The following PPHLN1 variants were observed in gnomAD, a reference collection of about 807,000 sequenced individuals.
PPHLN1 encodes periphilin 1, also known as periphilin-1.
PPHLN1 carries 29 observed loss-of-function variants against 51.3 expected under a neutral mutation model. That is an observed-to-expected ratio of 0.57 (90% CI 0.42 to 0.77). The LOEUF is 0.77. Ranked by LOEUF, PPHLN1 falls within the 30% of genes least tolerant of loss-of-function variation. The pLI is 0.00. For synonymous variants in PPHLN1, 147 were observed against 147.8 expected (o/e 0.99, Z 0.04); for missense variants, 436 against 438.4 (o/e 0.99, Z 0.05).
intron 9 of PPHLN1, among the ~76,000 whole-genome samples, chr12:42,429,080 T>C (rs962806292): frequency 1.3e-5 from 2 of 152,196 alleles, no homozygotes; most frequent in African/African-American, 4.8e-5. Context: ...ATTTAGAACT[T>C]TAAAGCCTAT....
At chr12:42,326,437 C>G (rs1053412047) in intron 1 of PPHLN1, among the ~76,000 whole-genome samples, 1 of 152,062 alleles carries the variant, frequency 6.6e-6, no homozygotes, top group Non-Finnish European at 1.5e-5. Flanking sequence ...GGGTTCGCCT[C>G]TCTGTAGCGC....
intron 4 of PPHLN1, among the ~76,000 whole-genome samples, chr12:42,370,374 TA>T (rs1316962705): frequency 2.0e-5 from 3 of 152,258 alleles, no homozygotes; most frequent in African/African-American, 7.2e-5. Context: ...CTAATTTGCA[TA>T]AAGCCTCCAT....
At chr12:42,404,286 T>A (rs1743357672) in intron 9 of PPHLN1, among the ~76,000 whole-genome samples, 1 of 152,166 alleles carries the variant, frequency 6.6e-6, no homozygotes, top group African/African-American at 2.4e-5. Flanking sequence ...CCCAGCACTT[T>A]GGGGGGCCCA....
chr12:42,430,041 G>A (rs928815609), intron 9 of PPHLN1, among the ~76,000 whole-genome samples: 4 of 152,196 alleles, frequency 2.6e-5, no homozygotes, highest in East Asian at 1.9e-4. Context: ...ACCAATGGCC[G>A]GGGGAGCTCC....
chr12:42,370,357 A>G (rs776871214), intron 4 of PPHLN1, among the ~76,000 whole-genome samples: 4 of 152,214 alleles, frequency 2.6e-5, no homozygotes, highest in Non-Finnish European at 5.9e-5. Context: ...AGGATCAGTA[A>G]AACTTTCTAA....
downstream of PPHLN1, chr12:42,447,569 G>A (rs1006027466): frequency 2.0e-5 from 3 of 152,190 alleles, no homozygotes; most frequent in Admixed American, 1.3e-4. Context: ...GCGGCATTGA[G>A]CCAAAATATA....
At chr12:42,343,794 G>A (rs149607056) in intron 2 of PPHLN1, 2 of 363,830 alleles carry the variant, frequency 5.5e-6, no homozygotes, top group Admixed American at 4.2e-5. Context: ...CTACATTCTC[G>A]AATAAGATGC....
At chr12:42,341,494 A>G (rs1035379066) in intron 2 of PPHLN1, among the ~76,000 whole-genome samples, 4 of 152,178 alleles carry the variant, frequency 2.6e-5, no homozygotes, top group Non-Finnish European at 5.9e-5. Context: ...ACAATTGAAC[A>G]CTAATATACT....
intron 9 of PPHLN1, among the ~76,000 whole-genome samples, chr12:42,406,961 A>G (rs771705568): frequency 5.9e-5 from 9 of 152,170 alleles, no homozygotes; most frequent in South Asian, 4.1e-4. Context: ...TGGAAAGATC[A>G]TATGTTTCTC....
chr12:42,426,314 C>G (rs965832591), intron 9 of PPHLN1, among the ~76,000 whole-genome samples: 3 of 151,848 alleles, frequency 2.0e-5, no homozygotes, highest in Non-Finnish European at 4.4e-5. Flanking sequence ...CTTTACACTA[C>G]TCTTCAAAAC....
intron 4 of PPHLN1, among the ~76,000 whole-genome samples, chr12:42,368,837 A>C (rs2075529229): frequency 6.6e-6 from 1 of 152,178 alleles, no homozygotes; most frequent in East Asian, 1.9e-4. Flanking sequence ...TAAAGCACAA[A>C]AATTTTAAGA....
chr12:42,377,249 A>T (rs1249232248), intron 5 of PPHLN1, among the ~76,000 whole-genome samples: 1 of 151,820 alleles, frequency 6.6e-6, no homozygotes, highest in South Asian at 2.1e-4. Context: ...ACATGCACAG[A>T]CATATCCAAA....
intron 4 of PPHLN1, chr12:42,355,429 CAT>C (rs941905569): frequency 4.9e-5 from 23 of 466,934 alleles, no homozygotes; most frequent in Non-Finnish European, 8.8e-5. Context: ...TTTTGTAACT[CAT>C]AAAAAAATAT....
intron 9 of PPHLN1, among the ~76,000 whole-genome samples, chr12:42,431,420 C>G (rs1018317137): frequency 1.3e-5 from 2 of 152,104 alleles, no homozygotes; most frequent in African/African-American, 4.8e-5. Context: ...TTTCTTATAG[C>G]CAGCAACTTT....
intron 8 of PPHLN1, among the ~76,000 whole-genome samples, chr12:42,397,640 A>G (rs762774269): frequency 7.9e-5 from 12 of 152,118 alleles, no homozygotes; most frequent in Non-Finnish European, 5.9e-5. Flanking sequence ...GCAATTTACA[A>G]AGAATGTTGC....
At chr12:42,440,840 A>G (rs2082879649) in intron 9 of PPHLN1, among the ~76,000 whole-genome samples, 2 of 152,196 alleles carry the variant, frequency 1.3e-5, no homozygotes. Context: ...CCACTTCCCA[A>G]ATTGCTAAGC....
In PPHLN1 at chr12:42,367,601, A is replaced by G. The variant is rs377426055; in HGVS notation, c.300-7262A>G. 1.3e-4 allele frequency among the ~76,000 whole-genome samples: 20 copies of G among 152,214 alleles called. No homozygotes were observed. The South Asian group carries it at 4.1e-3, about 32-fold the overall frequency. Reference sequence around the variant, plus strand: ...TAACTTTGTTATCTTAAATATTAATATTTAGTGAGGTGATATTTTTCGTCT... The same window carrying G: ...TAACTTTGTTATCTTAAATATTAATGTTTAGTGAGGTGATATTTTTCGTCT... On this transcript the variant is annotated intron_variant, in intron 4 of 9. Coordinates refer to ENST00000358314, the MANE Select transcript of PPHLN1 (RefSeq NM_201439.2).
At chr12:42,436,419 G>T (rs1023953557) in intron 9 of PPHLN1, among the ~76,000 whole-genome samples, 6 of 152,168 alleles carry the variant, frequency 3.9e-5, no homozygotes, top group Admixed American at 3.9e-4. Flanking sequence ...TTCCTCACTT[G>T]CGTTTATTTC....
At chr12:42,418,419 T>G (rs974649909) in intron 9 of PPHLN1, among the ~76,000 whole-genome samples, 1 of 152,130 alleles carries the variant, frequency 6.6e-6, no homozygotes, top group Non-Finnish European at 1.5e-5. Context: ...ATGGCTTCCC[T>G]ATTTGAAATC....
Sources: allele counts gnomAD v4.1 joint callset (sites outside exome capture counted in the v4.1 genomes callset), GRCh38; gene constraint gnomAD v4.1.1; transcripts MANE v1.5; gene names NCBI Gene and HGNC (gene_info 2026-07-23, HGNC 2026-07-21).